Variants in LGR6 observed in about 807,000 individuals in gnomAD.
The protein encoded by LGR6 is leucine rich repeat containing G protein-coupled receptor 6, also known as leucine-rich repeat-containing G protein-coupled receptor 6.
Under a neutral mutation model 69.4 loss-of-function variants are expected in LGR6, and 45 were observed. The observed-to-expected ratio is 0.65, with a 90% confidence interval of 0.51 to 0.83. LGR6 has a LOEUF of 0.83. LGR6 is among the 40% of genes least tolerant of loss of function. The pLI is 0.00. For missense variants in LGR6, 1,108 were observed against 1,246.7 expected, an observed-to-expected ratio of 0.89 and a Z score of 1.68; for synonymous variants, 538 against 555.0, an observed-to-expected ratio of 0.97 and a Z score of 0.43.
chr1:202,254,348 ACT>A (rs1663573602), intron 4 of LGR6, among the ~76,000 whole-genome samples: 1 of 152,116 alleles, frequency 6.6e-6, no homozygotes, highest in South Asian at 2.1e-4. Flanking sequence ...GCTCAGGGAA[ACT>A]CTGGCTGTGA....
intron 1 of LGR6, chr1:202,197,056 TA>T: frequency 1.9e-6 from 1 of 533,312 alleles, no homozygotes; most frequent in Non-Finnish European, 3.8e-6. Context: ...CGAAGATCCT[TA>T]GAAGAAGCCA....
Position 202,194,149 on chromosome 1 carries a change from G to A in LGR6, c.160G>A (p.Glu54Lys). 6.3e-7 allele frequency: 1 copy of A among 1,575,636 alleles called. No homozygotes were observed. Among genetic ancestry groups the A allele is most frequent in the East Asian group, 2.4e-5 (1 of 41,766 alleles). Reference protein sequence around the residue: ...DGIMLSADCSELGLSAVPGDL... With the variant: ...DGIMLSADCSKLGLSAVPGDL... The stretch of plus-strand genomic sequence containing the variant: ...CATCATGCTGTCTGCCGACTGCTCT[G>A]AGCTCGGGCTGTCCGCCGTTCCGGG... Residue 54 changes from glutamate (E) to lysine (K), a missense_variant, in exon 1 of 18, where the codon GAG (glutamate) becomes AAG (lysine). Glu to Lys is a moderately conservative substitution (Grantham distance 56). Transcript: ENST00000367278.
Position 202,205,801 on chromosome 1 carries a change from TACAC to T in LGR6, c.212+11603_212+11606del, listed in dbSNP as rs528466067. Among the ~76,000 whole-genome samples, 6 of 119,986 alleles carry T rather than the reference TACAC, an allele frequency of 5.0e-5. No homozygotes were observed. The South Asian group carries it at 8.6e-4, about 17-fold the overall frequency. 78.7% of individuals were successfully genotyped at this position (119,986 alleles called of 152,430 possible). On this transcript the variant is annotated intron_variant, in intron 1 of 17. Coordinates refer to ENST00000367278, the MANE Select transcript of LGR6 (RefSeq NM_001017403.2). ...CACATACGCACACCTCCTTCAAACA[TACAC>T]ACCTCCTTCATACACACACACCCCA...
intron 3 of LGR6, among the ~76,000 whole-genome samples, chr1:202,229,639 C>T (rs780685802): frequency 7.2e-5 from 11 of 152,370 alleles, no homozygotes; most frequent in Admixed American, 3.3e-4. Context: ...ACAGGCCTCC[C>T]GCCCCCCTTT....
intron 2 of LGR6, among the ~76,000 whole-genome samples, chr1:202,226,763 T>C (rs1660584786): frequency 6.6e-6 from 1 of 152,100 alleles, no homozygotes; most frequent in African/African-American, 2.4e-5. Context: ...ACCCAGGGCA[T>C]TCTGTGTAAG....
chr1:202,194,703 G>GT, intron 1 of LGR6: 1 of 161,090 alleles, frequency 6.2e-6, no homozygotes, highest in Non-Finnish European at 1.3e-5. Context: ...CCTTCGTGGG[G>GT]GCGGGGGGGG....
At chr1:202,237,759 G>T (rs1428461892) in intron 4 of LGR6, among the ~76,000 whole-genome samples, 3 of 152,142 alleles carry the variant, frequency 2.0e-5, no homozygotes, top group Non-Finnish European at 4.4e-5. Flanking sequence ...CACTCCCCCA[G>T]TTATAAGGCA....
At chr1:202,310,609 C>G (rs1272871124) in intron 16 of LGR6, among the ~76,000 whole-genome samples, 1 of 152,140 alleles carries the variant, frequency 6.6e-6, no homozygotes, top group Non-Finnish European at 1.5e-5. Flanking sequence ...TCTCATCTGC[C>G]TAGCCCTTTG....
chr1:202,292,320 C>T (rs989653191), intron 6 of LGR6, among the ~76,000 whole-genome samples: 3 of 152,202 alleles, frequency 2.0e-5, no homozygotes, highest in Non-Finnish European at 4.4e-5. Flanking sequence ...TGCCAGGGTT[C>T]AAATCCTGGC....
intron 3 of LGR6, among the ~76,000 whole-genome samples, chr1:202,233,394 G>C (rs60957513): frequency 6.6e-6 from 1 of 152,042 alleles, no homozygotes; most frequent in African/African-American, 2.4e-5. Context: ...AGCAGCCTGC[G>C]ACCCCCTGTT....
intron 6 of LGR6, among the ~76,000 whole-genome samples, chr1:202,287,275 G>A (rs1666462485): frequency 6.6e-6 from 1 of 152,188 alleles, no homozygotes; most frequent in African/African-American, 2.4e-5. Flanking sequence ...GAACAACAAA[G>A]TGTAGTCCCT....
chr1:202,318,525 CCTT>C lies in LGR6; in HGVS notation c.2225_2227del (p.Phe742del). 6 of 1,614,112 alleles carry C rather than the reference CCTT, an allele frequency of 3.7e-6. No homozygotes were observed. Among genetic ancestry groups the C allele is most frequent in the Non-Finnish European group, 5.1e-6 (6 of 1,180,012 alleles). On this transcript the variant is annotated inframe_deletion, in exon 18 of 18. Transcript: ENST00000367278. ...ACCGTGGCCCTGGTGATGATGAACT[CCTT>C]CTGTTTCCTGGTCGTGGCCGGTGCC... is the stretch of plus-strand genomic sequence containing the variant.
At chr1:202,267,243 G>A (rs79294499) in intron 4 of LGR6, among the ~76,000 whole-genome samples, 2,141 of 152,214 alleles carry the variant, frequency 0.014, 63 homozygotes, top group African/African-American at 0.049. Flanking sequence ...ATGGATCTGG[G>A]GAGTCCTTAG....
At chr1:202,293,007 C>T (rs115474450) in intron 6 of LGR6, among the ~76,000 whole-genome samples, 3 of 152,172 alleles carry the variant, frequency 2.0e-5, no homozygotes, top group African/African-American at 7.2e-5. Context: ...CTCTGTGCCT[C>T]GCTTTCCTCA....
chr1:202,226,957 A>G (rs1660601949), intron 2 of LGR6, among the ~76,000 whole-genome samples: 1 of 152,214 alleles, frequency 6.6e-6, no homozygotes, highest in African/African-American at 2.4e-5. Flanking sequence ...GGCAGGTGAC[A>G]TTGGACACGA....
At chr1:202,286,512 A>T (rs1271513562) in intron 6 of LGR6, among the ~76,000 whole-genome samples, 1 of 152,188 alleles carries the variant, frequency 6.6e-6, no homozygotes, top group African/African-American at 2.4e-5. Context: ...CAGAAGGTGG[A>T]TGACTTGCCC....
Position 202,303,315 on chromosome 1 carries a change from A to G in LGR6, c.966A>G (p.Pro322=). The G allele has an allele frequency of 6.2e-7, 1 of 1,614,006 alleles. No individual in the cohort carries two copies. ...GTGCCATGGACATCCAGGAGTTTCC[A>G]GATCTCAAAGGCACCACCAGCCTGG... is the stretch of plus-strand genomic sequence containing the variant. The part of the protein sequence containing the change: ...LNGAMDIQEF[P]DLKGTTSLEI... The change falls in exon 10 of 18, where the codon CCA becomes CCG. Residue 322 remains proline (P), a synonymous_variant. Transcript: ENST00000367278.
chr1:202,284,500 G>T (rs562564409), intron 6 of LGR6, among the ~76,000 whole-genome samples: 1 of 152,120 alleles, frequency 6.6e-6, no homozygotes, highest in Admixed American at 6.6e-5. Flanking sequence ...TTTGTAATAC[G>T]TTGCTTCACT....
intron 4 of LGR6, among the ~76,000 whole-genome samples, chr1:202,241,102 G>C (rs115472801): frequency 6.6e-6 from 1 of 152,196 alleles, no homozygotes; most frequent in Non-Finnish European, 1.5e-5. Flanking sequence ...AAGGGAAGCC[G>C]CCTTTTGATG....
Sources: gnomAD v4.1 joint callset for allele counts (sites outside exome capture counted in the v4.1 genomes callset) on GRCh38, gnomAD v4.1.1 for gene constraint, MANE v1.5 for transcripts, NCBI Gene and HGNC (gene_info 2026-07-23, HGNC 2026-07-21) for gene names.